PHGDH: variants seen among roughly 807,000 people sequenced by gnomAD.
PHGDH encodes D-3-phosphoglycerate dehydrogenase.
Under a neutral mutation model 52.6 loss-of-function variants are expected in PHGDH, and 50 were observed. The ratio of observed to expected loss-of-function variants is 0.95; its 90% CI spans 0.76 to 1.20. The LOEUF (loss-of-function observed/expected upper bound fraction) is 1.20, where lower values mean the gene tolerates loss of function less well. PHGDH is among the 50% of genes most tolerant of loss of function. The pLI is 0.00. For missense variants in PHGDH, 630 were observed against 684.6 expected (o/e 0.92, Z 0.89); for synonymous variants, 271 against 280.5 (o/e 0.97, Z 0.34).
chr1:119,737,693 C>G (rs587615223), intron 8 of PHGDH, among the ~76,000 whole-genome samples: 6 of 152,282 alleles, frequency 3.9e-5, no homozygotes, highest in Admixed American at 1.3e-4. Context: ...CCTGCCTTGA[C>G]AGCCTGCCCT....
At chr1:119,741,058 T>C (rs1652183120) in intron 9 of PHGDH, among the ~76,000 whole-genome samples, 1 of 152,080 alleles carries the variant, frequency 6.6e-6, no homozygotes, top group East Asian at 1.9e-4. Context: ...AGCCGTGGAG[T>C]GGGAATGAGA....
chr1:119,733,914 C>T (rs1377307991), intron 5 of PHGDH, among the ~76,000 whole-genome samples: 2 of 152,088 alleles, frequency 1.3e-5, no homozygotes, highest in Non-Finnish European at 2.9e-5. Flanking sequence ...AATCATCTGC[C>T]CAGCTCCTTT....
chr1:119,732,098 C>T (rs1409076276), intron 5 of PHGDH, among the ~76,000 whole-genome samples: 1 of 152,190 alleles, frequency 6.6e-6, no homozygotes, highest in African/African-American at 2.4e-5. Context: ...CAATGCTAAA[C>T]TAAAAATTCA....
At chr1:119,726,369 A>G (rs1416652631) in intron 3 of PHGDH, among the ~76,000 whole-genome samples, 1 of 151,782 alleles carries the variant, frequency 6.6e-6, no homozygotes, top group Non-Finnish European at 1.5e-5. Flanking sequence ...GGGTTAAGAA[A>G]CTCTCAAGGA....
intron 3 of PHGDH, among the ~76,000 whole-genome samples, chr1:119,725,837 C>G (rs1447257629): frequency 2.0e-5 from 3 of 152,210 alleles, no homozygotes; most frequent in Non-Finnish European, 4.4e-5. Flanking sequence ...CTGGGGTTGA[C>G]TTTGCTGGCT....
At chr1:119,740,003 C>A in intron 8 of PHGDH, 1 of 200,638 alleles carries the variant, frequency 5.0e-6, no homozygotes, top group Admixed American at 5.3e-5. Flanking sequence ...CAGAGAAGAC[C>A]CGTCACTCCT....
chr1:119,720,035 A>G (rs1351905915), intron 1 of PHGDH: 2 of 152,220 alleles, frequency 1.3e-5, no homozygotes, highest in African/African-American at 4.8e-5. Context: ...TTGAAAGCAT[A>G]CTTGCTGCTT....
intron 9 of PHGDH, among the ~76,000 whole-genome samples, chr1:119,741,422 G>A (rs1557981736): frequency 6.6e-6 from 1 of 152,238 alleles, no homozygotes; most frequent in Non-Finnish European, 1.5e-5. Flanking sequence ...CTGAGTGCCA[G>A]GAAGGGGTAA....
At chr1:119,723,551 G>C in intron 3 of PHGDH, 110 bp downstream of exon 3, 1 of 855,832 alleles carries the variant, frequency 1.2e-6, no homozygotes, top group Non-Finnish European at 2.0e-6. Context: ...TCAGCGACTT[G>C]CAGACTGCTA....
At position 119,712,033 on chromosome 1, in the gene PHGDH, C is replaced by A; in HGVS notation, c.11C>A (p.Ala4Glu). Residue 4 changes from alanine to glutamate, a missense_variant, in exon 1 of 12, where the codon GCA (alanine) becomes GAA (glutamate). By Grantham distance (107) the Ala-to-Glu change is moderately radical. Transcript: ENST00000641023. MAF[A>E]NLRKVLISDS... is the part of the protein sequence containing the mutation. ...AGGCCAACTCCAGCAATGGCTTTTGCAAATCTGCGGAAAGTGCTCATCAGT... is the reference window on the plus strand; with the variant it reads ...AGGCCAACTCCAGCAATGGCTTTTGAAAATCTGCGGAAAGTGCTCATCAGT... The A allele has an allele frequency of 6.2e-7, 1 of 1,614,112 alleles. No individual in the cohort carries two copies. Among genetic ancestry groups the A allele is most frequent in the Non-Finnish European group, 8.5e-7 (1 of 1,180,020 alleles).
chr1:119,728,264 G>T (rs1322184465), intron 5 of PHGDH, among the ~76,000 whole-genome samples: 1 of 152,110 alleles, frequency 6.6e-6, no homozygotes, highest in African/African-American at 2.4e-5. Context: ...TCACAGGGAG[G>T]GTGCTTGTGT....
intron 7 of PHGDH, among the ~76,000 whole-genome samples, chr1:119,735,831 A>G (rs755787410): frequency 6.6e-6 from 1 of 152,222 alleles, no homozygotes; most frequent in Non-Finnish European, 1.5e-5. Context: ...CCCATTGCCA[A>G]GAAAATGTCC....
Position 119,721,192 on chromosome 1 carries a change from G to A in PHGDH, c.161G>A (p.Arg54His), listed in dbSNP as rs372842833. Residue 54 changes from arginine to histidine, a missense_variant, in exon 2 of 12, where the codon CGC (arginine) becomes CAC (histidine). Arg to His is a conservative substitution (Grantham distance 29). Transcript: ENST00000641023. ...CAGGACTGTGAAGGCCTTATTGTTC[G>A]CTCTGCCACCAAGGTGACCGCTGAT... ...ELQDCEGLIV[R>H]SATKVTADVI... 2.1e-5 allele frequency: 34 copies of A among 1,613,952 alleles called. No homozygotes were observed. The highest frequency in any genetic ancestry group is 2.8e-5 in the Non-Finnish European group (33 of 1,180,020).
intron 5 of PHGDH, among the ~76,000 whole-genome samples, chr1:119,728,591 G>T (rs1156982251): frequency 6.6e-6 from 1 of 152,100 alleles, no homozygotes; most frequent in Non-Finnish European, 1.5e-5. Context: ...TAGCCTGATT[G>T]CAACCCTCTG....
intron 5 of PHGDH, chr1:119,727,317 T>C (rs1376060783): frequency 3.4e-6 from 2 of 591,146 alleles, no homozygotes; most frequent in Non-Finnish European, 6.1e-6. Flanking sequence ...GTCCTTTAGC[T>C]CTCTGGTGAG....
intron 5 of PHGDH, among the ~76,000 whole-genome samples, chr1:119,731,015 T>C (rs1041542917): frequency 6.6e-6 from 1 of 152,200 alleles, no homozygotes; most frequent in African/African-American, 2.4e-5. Context: ...TAGAATACAT[T>C]TCTGCACCCT....
intron 5 of PHGDH, among the ~76,000 whole-genome samples, chr1:119,731,101 G>A (rs1571004380): frequency 6.6e-6 from 1 of 152,142 alleles, no homozygotes; most frequent in East Asian, 1.9e-4. Flanking sequence ...GGGGGAGCAG[G>A]GCTTTGGTTT....
intron 6 of PHGDH, 63 bp downstream of exon 6, chr1:119,734,829 C>G (rs752634793): frequency 2.0e-5 from 32 of 1,569,844 alleles, no homozygotes; most frequent in African/African-American, 2.7e-5. Context: ...CAAATGGGCC[C>G]TCCATCTGGG....
chr1:119,721,126 C>G, intron 1 of PHGDH, 44 bp from the exon 2 acceptor site: 2 of 1,600,534 alleles, frequency 1.2e-6, no homozygotes, highest in Non-Finnish European at 1.7e-6. Context: ...TTTACGAGTT[C>G]TCACAGAATG....
Sources: allele counts gnomAD v4.1 joint callset (sites outside exome capture counted in the v4.1 genomes callset), GRCh38; gene constraint gnomAD v4.1.1; transcripts MANE v1.5; gene names NCBI Gene and HGNC (gene_info 2026-07-23, HGNC 2026-07-21).